The following SCAF11 variants were observed in gnomAD, a reference collection of about 807,000 sequenced individuals.
SCAF11 encodes the protein protein SCAF11.
In SCAF11, 47 loss-of-function variants were observed where a neutral mutation model predicts 140.5. The observed-to-expected ratio is 0.33, with a 90% CI of 0.26 to 0.43. The LOEUF (loss-of-function observed/expected upper bound fraction) is 0.43, where lower values mean the gene tolerates loss of function less well. Among genes scored for constraint, SCAF11 ranks in the 20% least tolerant of loss-of-function variants. The pLI, the probability that SCAF11 is intolerant of heterozygous loss-of-function variation, is 1.00. For missense variants in SCAF11, 1,645 were observed against 1,705.1 expected (o/e 0.96, Z 0.62); for synonymous variants, 557 against 579.4 (o/e 0.96, Z 0.55).
At position 45,990,573 on chromosome 12, in the gene SCAF11, T is replaced by G; in HGVS notation, c.-242A>C. ...TCCGCGCGGCTTAAGCCACCGCTAC[T>G]CCCCCTTCCCCCGCCTTGTCTAGCC... On this transcript the variant is annotated 5_prime_UTR_variant, in exon 1 of 15. Transcript: ENST00000369367. The G allele has an allele frequency of 4.1e-6, 5 of 1,229,946 alleles. No homozygotes were observed. The highest frequency in any genetic ancestry group is 5.1e-6 in the Non-Finnish European group (5 of 987,036). The allele number at this position is 1,229,946 out of a possible 1,614,324, so 76.2% of individuals were successfully genotyped here.
intron 11 of SCAF11, 142 bp from the exon 12 acceptor site, chr12:45,925,216 T>A: frequency 3.2e-6 from 2 of 634,518 alleles, no homozygotes; most frequent in Non-Finnish European, 5.4e-6. Flanking sequence ...TTGCTTAATT[T>A]AATCCTGTCA....
intron 1 of SCAF11, among the ~76,000 whole-genome samples, chr12:45,964,396 G>T (rs1180168812): frequency 6.6e-6 from 1 of 152,122 alleles, no homozygotes; most frequent in Non-Finnish European, 1.5e-5. Flanking sequence ...GGCCGTGCAC[G>T]GTGGCTCACG....
chr12:45,968,381 G>A (rs763391427), intron 1 of SCAF11, among the ~76,000 whole-genome samples: 4 of 151,652 alleles, frequency 2.6e-5, no homozygotes, highest in Non-Finnish European at 4.4e-5. Context: ...TACTTCTATC[G>A]TCCAGTTGCT....
At chr12:45,990,627 C>T (rs1946580043), upstream of SCAF11, 5 of 1,185,558 alleles carry the variant, frequency 4.2e-6, no homozygotes, top group East Asian at 3.2e-5. Flanking sequence ...CCCTGCGCGT[C>T]TCCCTCCTCC....
intron 1 of SCAF11, among the ~76,000 whole-genome samples, chr12:45,980,793 C>G (rs1426141455): frequency 6.6e-6 from 1 of 152,100 alleles, no homozygotes; most frequent in Non-Finnish European, 1.5e-5. Context: ...CCTTTTAGTG[C>G]AAAGAACCTG....
In SCAF11 at chr12:45,978,150, C is replaced by T. The variant is rs115184073; in HGVS notation, c.-22+12203G>A. 9.5e-3 allele frequency among the ~76,000 whole-genome samples: 1,444 copies of T among 152,300 alleles called. 22 individuals are homozygous for T. Among genetic ancestry groups the T allele is most frequent in the South Asian group, 0.068 (327 of 4,830 alleles). ...ATCATCAAATGACAGGCTTCCATTACTTCTCCAAATAAGAAACAACTGTAA... is the reference window on the plus strand; with the variant it reads ...ATCATCAAATGACAGGCTTCCATTATTTCTCCAAATAAGAAACAACTGTAA... On this transcript the variant is annotated intron_variant, in intron 1 of 14. Transcript: ENST00000369367.
chr12:45,934,381 T>C, intron 7 of SCAF11, 66 bp downstream of exon 7: 1 of 1,416,804 alleles, frequency 7.1e-7, no homozygotes, highest in East Asian at 2.3e-5. Flanking sequence ...GCACTGGTTA[T>C]TTATGGACTA....
intron 5 of SCAF11, among the ~76,000 whole-genome samples, chr12:45,947,532 G>A (rs1487576658): frequency 6.6e-6 from 1 of 152,190 alleles, no homozygotes; most frequent in Non-Finnish European, 1.5e-5. Context: ...GAAGAATGTT[G>A]TGCTATACTA....
intron 1 of SCAF11, among the ~76,000 whole-genome samples, chr12:45,967,252 T>C (rs1945971252): frequency 6.6e-6 from 1 of 151,980 alleles, no homozygotes; most frequent in Non-Finnish European, 1.5e-5. Context: ...TAATATTTTA[T>C]AGTAAGCACT....
chr12:45,934,265 A>C lies in SCAF11; in HGVS notation c.543T>G (p.Ser181Arg). The change falls in exon 8 of 15, where the codon AGT (serine) becomes AGG (arginine). Residue 181 changes from serine to arginine, a missense_variant. Around this residue, in one of 2 missense-constraint regions of SCAF11, gnomAD observed 1,582 missense variants for 1,609.2 expected, o/e 0.98. Transcript: ENST00000369367. ...AAAAATTTCTGAAGCACTGATTTGTACTCCAATTTGATCTCTGAGGCTAGA... is the reference window on the plus strand; with the variant it reads ...AAAAATTTCTGAAGCACTGATTTGTCCTCCAATTTGATCTCTGAGGCTAGA... ...KINKPQRSNW[S>R]TNQCFRNFFS... 6.2e-7 allele frequency: 1 copy of C among 1,609,576 alleles called. No homozygotes were observed. The highest frequency in any genetic ancestry group is 8.5e-7 in the Non-Finnish European group (1 of 1,177,448).
chr12:45,991,210 G>T (rs1041311208), upstream of SCAF11, among the ~76,000 whole-genome samples: 5 of 152,150 alleles, frequency 3.3e-5, no homozygotes, highest in African/African-American at 1.2e-4. Flanking sequence ...CAGGGGGAGA[G>T]CTTTCCCGCC....
At chr12:45,987,325 T>C (rs1946479755) in intron 1 of SCAF11, among the ~76,000 whole-genome samples, 1 of 152,212 alleles carries the variant, frequency 6.6e-6, no homozygotes, top group African/African-American at 2.4e-5. Context: ...ACTTGGCAGT[T>C]TATGCTACAG....
chr12:45,930,436 T>C (rs1218945559), intron 10 of SCAF11, among the ~76,000 whole-genome samples: 1 of 151,316 alleles, frequency 6.6e-6, no homozygotes, highest in African/African-American at 2.4e-5. Context: ...AGGTTTTGCG[T>C]TGTGTTTTGT....
In SCAF11 at chr12:45,934,215, C is replaced by T. The variant is rs756767518; in HGVS notation, c.593G>A (p.Ser198Asn). ...NFFSNMFSSVSHSGESSFTYR... is the reference protein window; with the variant it reads ...NFFSNMFSSVNHSGESSFTYR... ...GGTAAAGGAAGATTCTCCAGAGTGGCTAACAGAAGAAAACATATTGGAGAA... is the reference window on the plus strand; with the variant it reads ...GGTAAAGGAAGATTCTCCAGAGTGGTTAACAGAAGAAAACATATTGGAGAA... The change falls in exon 8 of 15, where the codon AGC becomes AAC. Residue 198 changes from serine (S) to asparagine (N), a missense_variant. Around this residue, in one of 2 missense-constraint regions of SCAF11, gnomAD observed 1,582 missense variants for 1,609.2 expected, o/e 0.98. Transcript: ENST00000369367. 2 of 1,609,760 alleles carry T rather than the reference C, an allele frequency of 1.2e-6. No homozygotes were observed. Among genetic ancestry groups the T allele is most frequent in the South Asian group, 2.2e-5 (2 of 90,570 alleles).
chr12:45,934,032 C>T (rs1945114368), intron 8 of SCAF11, 144 bp downstream of exon 8: 3 of 528,704 alleles, frequency 5.7e-6, no homozygotes, highest in Admixed American at 3.7e-5. Flanking sequence ...TTTACCTTCC[C>T]CCCCGCCCAA....
chr12:45,928,114 T>A lies in SCAF11; in HGVS notation c.1587A>T (p.Ile529=), dbSNP rs1450733011. 1 of 1,614,010 alleles carries A rather than the reference T, an allele frequency of 6.2e-7. No homozygotes were observed. The highest frequency in any genetic ancestry group is 1.7e-5 in the Admixed American group (1 of 60,026). Residue 529 remains isoleucine, a synonymous_variant, in exon 11 of 15, where the codon ATA becomes ATT. Transcript: ENST00000369367. ...TTACCTCTGATTGTGAAAGTCCAGA[T>A]ATCTGGTCTTGCTTTTCCAATGGAT... ...GGDPLEKQDQ[I]SGLSQSEVKT...
chr12:45,987,652 A>T (rs1946489214), intron 1 of SCAF11, among the ~76,000 whole-genome samples: 1 of 152,200 alleles, frequency 6.6e-6, no homozygotes, highest in South Asian at 2.1e-4. Flanking sequence ...AGCGTAGGGG[A>T]AAGGAGATTG....
At chr12:45,938,505 C>G (rs1945222222) in intron 6 of SCAF11, among the ~76,000 whole-genome samples, 1 of 149,266 alleles carries the variant, frequency 6.7e-6, no homozygotes, top group African/African-American at 2.5e-5. Flanking sequence ...AACAAACAAA[C>G]AAACAAACAA....
chr12:45,983,376 T>G (rs1227067665), intron 1 of SCAF11, among the ~76,000 whole-genome samples: 2 of 151,696 alleles, frequency 1.3e-5, no homozygotes, highest in Non-Finnish European at 2.9e-5. Context: ...AAACCTGGAG[T>G]TCAGAACTAT....
Sources: gnomAD v4.1 joint callset for allele counts (sites outside exome capture counted in the v4.1 genomes callset) on GRCh38, gnomAD v4.1.1 for gene constraint, gnomAD v4.1.1 regional missense constraint, MANE v1.5 for transcripts, NCBI Gene and HGNC (gene_info 2026-07-23, HGNC 2026-07-21) for gene names.